The following FZD8 variants were observed in gnomAD, a reference collection of about 807,000 sequenced individuals.
The protein encoded by FZD8 is frizzled class receptor 8.
A neutral mutation model predicts 46.0 loss-of-function variants in FZD8; 18 were observed. That is an observed-to-expected ratio of 0.39 (90% CI 0.27 to 0.58). The LOEUF (loss-of-function observed/expected upper bound fraction) is 0.58, where lower values mean the gene tolerates loss of function less well. Ranked by LOEUF, FZD8 falls within the 20% of genes least tolerant of loss-of-function variation. The probability of loss-of-function intolerance (pLI) is 0.55; values close to 1 mark genes in which losing one functional copy is unlikely to be tolerated. For synonymous variants in FZD8, 586 were observed against 467.9 expected (o/e 1.25, Z -3.26); for missense variants, 785 against 983.4 (o/e 0.80, Z 2.70).
chr10:35,639,480 CCCG>C lies in FZD8; in HGVS notation c.1947_1949del (p.Gly651del), dbSNP rs961698347. The C allele has an allele frequency of 2.7e-4, 268 of 975,012 alleles. No individual in the cohort carries two copies. Among genetic ancestry groups the C allele is most frequent in the Admixed American group, 9.5e-4 (15 of 15,836 alleles). The allele number at this position is 975,012 out of a possible 1,614,324, so 60.4% of individuals were successfully genotyped here. On this transcript the variant is annotated inframe_deletion, in exon 1 of 1. Coordinates refer to ENST00000374694, the MANE Select transcript of FZD8 (RefSeq NM_031866.3). The stretch of plus-strand genomic sequence containing the variant: ...CCGGCCCCCCGCCGCCGCCGGGTCC[CCCG>C]CCGCCGCCGCCCCCCGGCCCGCCGC...
At position 35,640,384 on chromosome 10, in the gene FZD8, C is replaced by G. The variant is rs1180505502; in HGVS notation, c.1046G>C (p.Gly349Ala). ...ACSGGAPGAG[G>A]AGGAGGAAAG... Reference sequence around the variant, plus strand: ...CGCCGCGCCGCCCGCGCCCCCAGCGCCCCCCGCGCCCGGCGCGCCACCGCT... The same window carrying G: ...CGCCGCGCCGCCCGCGCCCCCAGCGGCCCCCGCGCCCGGCGCGCCACCGCT... Residue 349 changes from glycine (G) to alanine (A), a missense_variant, in exon 1 of 1, where the codon GGC becomes GCC. Gly to Ala is a moderately conservative substitution (Grantham distance 60). Around this residue, in one of 5 missense-constraint regions of FZD8, gnomAD observed 88 missense variants for 83.6 expected, o/e 1.05. Coordinates refer to ENST00000374694, the MANE Select transcript of FZD8 (RefSeq NM_031866.3). The G allele has an allele frequency of 9.2e-7, 1 of 1,092,726 alleles. No homozygotes were observed. Among genetic ancestry groups the G allele is most frequent in the East Asian group, 5.4e-5 (1 of 18,578 alleles). The allele number at this position is 1,092,726 out of a possible 1,614,324, so 67.7% of individuals were successfully genotyped here.
Position 35,641,226 on chromosome 10 carries a change from C to T in FZD8, c.204G>A (p.Glu68=), listed in dbSNP as rs780968212. ...CCACCAGCGGCCAGAACTGGTGCAC[C>T]TCCAGGCCCGCCTCGTCTTGCGTGT... ...NHDTQDEAGL[E]VHQFWPLVEI... is the part of the protein sequence containing the mutation. Residue 68 remains glutamate (E), a synonymous_variant, in exon 1 of 1, where the codon GAG becomes GAA. Transcript: ENST00000374694. The surrounding 1 kb of genome is among the most constrained non-coding windows in gnomAD (Gnocchi z 6.3). The T allele has an allele frequency of 3.1e-6, 5 of 1,614,094 alleles. 1 individual carries two copies. The South Asian group carries it at 5.5e-5, about 18-fold the overall frequency.
chr10:35,641,565 G>A lies in FZD8; in HGVS notation c.-136C>T, dbSNP rs535775579. 863 of 1,193,956 alleles carry A rather than the reference G, an allele frequency of 7.2e-4. 8 individuals carry two copies. The African/African-American group carries it at 0.01, about 14-fold the overall frequency. The allele number at this position is 1,193,956 out of a possible 1,614,324, so 74.0% of individuals were successfully genotyped here. On this transcript the variant is annotated 5_prime_UTR_variant, in exon 1 of 1. Transcript: ENST00000374694. The surrounding 1 kb of genome is among the most constrained non-coding windows in gnomAD (Gnocchi z 6.3). Reference sequence around the variant, plus strand: ...CCCTTATGCTTCGCCCGGGAGGGGGGTCTGCCGATAATCTAACCCCTTCTA... The same window carrying A: ...CCCTTATGCTTCGCCCGGGAGGGGGATCTGCCGATAATCTAACCCCTTCTA...
rs1835849486 is a variant in FZD8 at position 35,640,892 on chromosome 10, T to C, written c.538A>G (p.Ser180Gly). ...PPPGEQPPSGSGHGRPPGARP... is the reference protein window; with the variant it reads ...PPPGEQPPSGGGHGRPPGARP... ...GCCCCCGGCGGGCGGCCGTGGCCGC[T>C]GCCCGAAGGCGGCTGCTCGCCGGGC... Residue 180 changes from serine (S) to glycine (G), a missense_variant, in exon 1 of 1, where the codon AGC (serine) becomes GGC (glycine). By Grantham distance (56) the Ser-to-Gly change is moderately conservative (BLOSUM62 0). This residue lies in a region of FZD8 where 354 missense variants were observed against 433.2 expected (regional missense o/e 0.82). Transcript: ENST00000374694. The C allele has an allele frequency of 1.9e-6, 2 of 1,052,048 alleles. No individual in the cohort carries two copies. The highest frequency in any genetic ancestry group is 3.5e-5 in the African/African-American group (2 of 57,970). The allele number at this position is 1,052,048 out of a possible 1,614,324, so 65.2% of individuals were successfully genotyped here. A position where few individuals can be genotyped will look rare whatever the true frequency, so the allele number is the denominator to read the frequency against.
Position 35,639,947 on chromosome 10 carries a change from T to C in FZD8, c.1483A>G (p.Ile495Val). The C allele has an allele frequency of 4.3e-6, 7 of 1,612,616 alleles. No homozygotes were observed. Among genetic ancestry groups the C allele is most frequent in the South Asian group, 1.1e-5 (1 of 91,030 alleles). Reference sequence around the variant, plus strand: ...CCGGCCAGCAGGAACATGGTGCCGATGAAGAGGTAGATGACCAGCGGCGCC... The same window carrying C: ...CCGGCCAGCAGGAACATGGTGCCGACGAAGAGGTAGATGACCAGCGGCGCC... ...VLAPLVIYLF[I>V]GTMFLLAGFV... is the part of the protein sequence containing the mutation. Residue 495 changes from isoleucine to valine, a missense_variant, in exon 1 of 1, where the codon ATC becomes GTC. Around this residue, in one of 5 missense-constraint regions of FZD8, gnomAD observed 147 missense variants for 242.5 expected, o/e 0.61. Coordinates refer to ENST00000374694, the MANE Select transcript of FZD8 (RefSeq NM_031866.3).
rs757734212 is a variant in FZD8 at position 35,641,083 on chromosome 10, G to A, written c.347C>T (p.Ala116Val). The part of the protein sequence containing the change: ...PCRSVCERAK[A>V]GCAPLMRQYG... ...CTGGCGCATGAGCGGCGCGCAGCCGGCCTTGGCGCGCTCGCACACCGAGCG... is the reference window on the plus strand; with the variant it reads ...CTGGCGCATGAGCGGCGCGCAGCCGACCTTGGCGCGCTCGCACACCGAGCG... Residue 116 changes from alanine to valine, a missense_variant, in exon 1 of 1, where the codon GCC becomes GTC. Physicochemically the swap from Ala to Val is moderately conservative, Grantham distance 64 (BLOSUM62 0). Coordinates refer to ENST00000374694, the MANE Select transcript of FZD8 (RefSeq NM_031866.3). The surrounding 1 kb of genome is among the most constrained non-coding windows in gnomAD (Gnocchi z 6.3). 1 of 1,611,062 alleles carries A rather than the reference G, an allele frequency of 6.2e-7. No individual in the cohort carries two copies. Among genetic ancestry groups the A allele is most frequent in the South Asian group, 1.1e-5 (1 of 91,004 alleles).
rs761388215 is a variant in FZD8 at position 35,639,442 on chromosome 10, C to T, written c.1988G>A (p.Gly663Asp). Reference protein sequence around the residue: ...GGGGGPGGGGGSLYSDVSTGL... With the variant: ...GGGGGPGGGGDSLYSDVSTGL... ...AGTGCTGACGTCGCTGTAGAGGGAG[C>T]CCCCGCCGCCGCCCGGCCCCCCGCC... Residue 663 changes from glycine (G) to aspartate (D), a missense_variant, in exon 1 of 1, where the codon GGC (glycine) becomes GAC (aspartate). By Grantham distance (94) the Gly-to-Asp change is moderately conservative (BLOSUM62 -1). Transcript: ENST00000374694. The T allele has an allele frequency of 1.2e-5, 14 of 1,182,860 alleles. No homozygotes were observed. The African/African-American group carries it at 1.6e-4, about 14-fold the overall frequency. The allele number at this position is 1,182,860 out of a possible 1,614,324, so 73.3% of individuals were successfully genotyped here. A position where few individuals can be genotyped will look rare whatever the true frequency, so the allele number is the denominator to read the frequency against.
In FZD8 at chr10:35,640,968, G is replaced by T. The variant is rs1835851303; in HGVS notation, c.462C>A (p.Thr154=). 6.3e-7 allele frequency: 1 copy of T among 1,583,248 alleles called. No homozygotes were observed. Among genetic ancestry groups the T allele is most frequent in the East Asian group, 2.3e-5 (1 of 43,008 alleles). Residue 154 remains threonine, a synonymous_variant, in exon 1 of 1, where the codon ACC becomes ACA. Coordinates refer to ENST00000374694, the MANE Select transcript of FZD8 (RefSeq NM_031866.3). ...PDTLCMDYNR[T]DLTTAAPSPP... is the part of the protein sequence containing the mutation. ...GGCTGGGCGCGGCGGTGGTTAGGTC[G>T]GTGCGGTTGTAGTCCATGCACAGCG...
Position 35,639,403 on chromosome 10 carries a change from C to T in FZD8, c.2027G>A (p.Arg676Gln), listed in dbSNP as rs1835813047. Residue 676 changes from arginine (R) to glutamine (Q), a missense_variant, in exon 1 of 1, where the codon CGG becomes CAG. Around this residue, in one of 5 missense-constraint regions of FZD8, gnomAD observed 185 missense variants for 180.8 expected, o/e 1.02. Transcript: ENST00000374694. ...AGACACGGAGCTCGCCGTGCCCGAC[C>T]GCCACGTCAGGCCAGTGCTGACGTC... ...YSDVSTGLTWRSGTASSVSYP... is the reference protein window; with the variant it reads ...YSDVSTGLTWQSGTASSVSYP... 6.8e-7 allele frequency: 1 copy of T among 1,467,834 alleles called. No homozygotes were observed. Among genetic ancestry groups the T allele is most frequent in the Admixed American group, 2.0e-5 (1 of 48,994 alleles). 90.9% of individuals were successfully genotyped at this position (1,467,834 alleles called of 1,614,324 possible). A position where few individuals can be genotyped will look rare whatever the true frequency, so the allele number is the denominator to read the frequency against.
At position 35,641,760 on chromosome 10, in the gene FZD8, G is replaced by C. The variant is rs1229990044; in HGVS notation, c.-331C>G. On this transcript the variant is annotated 5_prime_UTR_variant, in exon 1 of 1. Coordinates refer to ENST00000374694, the MANE Select transcript of FZD8 (RefSeq NM_031866.3). The surrounding 1 kb of genome is among the most constrained non-coding windows in gnomAD (Gnocchi z 6.3). Reference sequence around the variant, plus strand: ...TCGCGGCGCAGAGCGGCCGGGCCTCGGCTCATCGTCCCGCGCTCGCTCGCC... The same window carrying C: ...TCGCGGCGCAGAGCGGCCGGGCCTCCGCTCATCGTCCCGCGCTCGCTCGCC... The C allele has an allele frequency of 2.4e-5, 5 of 212,370 alleles. No individual in the cohort carries two copies. Among genetic ancestry groups the C allele is most frequent in the Non-Finnish European group, 4.6e-5 (5 of 108,664 alleles). 13.2% of individuals were successfully genotyped at this position (212,370 alleles called of 1,614,324 possible).
Position 35,641,493 on chromosome 10 carries a change from G to GT in FZD8, c.-65_-64insA, listed in dbSNP as rs572546710. The GT allele has an allele frequency of 1.9e-5, 28 of 1,507,492 alleles. No individual in the cohort carries two copies. The highest frequency in any genetic ancestry group is 2.4e-5 in the Non-Finnish European group (27 of 1,134,714). 93.4% of individuals were successfully genotyped at this position (1,507,492 alleles called of 1,614,324 possible). On this transcript the variant is annotated 5_prime_UTR_variant, in exon 1 of 1. Coordinates refer to ENST00000374694, the MANE Select transcript of FZD8 (RefSeq NM_031866.3). The surrounding 1 kb of genome is among the most constrained non-coding windows in gnomAD (Gnocchi z 6.3). ...GCGCGCAGAGGGGTGCCGGGGGGGG[G>GT]GCCCACGAGAGAGCCGCAGACGGGT... is the stretch of plus-strand genomic sequence containing the variant.
In FZD8 at chr10:35,641,446, C is replaced by A. The variant is rs780028961; in HGVS notation, c.-17G>T. The A allele has an allele frequency of 7.0e-6, 11 of 1,574,590 alleles. No homozygotes were observed. In the South Asian group the frequency reaches 8.0e-5, roughly 11 times the overall value. On this transcript the variant is annotated 5_prime_UTR_variant, in exon 1 of 1. Transcript: ENST00000374694. The surrounding 1 kb of genome is among the most constrained non-coding windows in gnomAD (Gnocchi z 6.3). ...CCACTCCATGCTGTGCGCCTCGGCCCGGTGCCCTCGCCCTCCAGGCGGCGC... is the reference window on the plus strand; with the variant it reads ...CCACTCCATGCTGTGCGCCTCGGCCAGGTGCCCTCGCCCTCCAGGCGGCGC...
rs759316417 is a variant in FZD8 at position 35,641,148 on chromosome 10, G to A, written c.282C>T (p.Pro94=). 6 of 1,613,508 alleles carry A rather than the reference G, an allele frequency of 3.7e-6. No homozygotes were observed. In the South Asian group the frequency reaches 4.4e-5, roughly 12 times the overall value. ...LKFFLCSMYT[P]ICLEDYKKPL... ...GCTTCTTGTAGTCCTCTAGGCAGAT[G>A]GGCGTGTACATGCTGCACAGGAAGA... The change falls in exon 1 of 1, where the codon CCC becomes CCT. Residue 94 remains proline (P), a synonymous_variant. Transcript: ENST00000374694. This position sits in a 1 kb window ranked among gnomAD's most constrained non-coding sequence, Gnocchi z 6.3.
Position 35,642,194 on chromosome 10 carries a change from G to A in FZD8, c.-765C>T, listed in dbSNP as rs1278007219. 6.6e-6 allele frequency: 1 copy of A among 152,364 alleles called. No individual in the cohort carries two copies. The highest frequency in any genetic ancestry group is 1.9e-4 in the East Asian group (1 of 5,152). 9.4% of individuals were successfully genotyped at this position (152,364 alleles called of 1,614,324 possible). The stretch of plus-strand genomic sequence containing the variant: ...ACCCAGGAGCAAATCCAGACCGGAA[G>A]GCGGAGCGGACACCTGAGTGGCGCG... On this transcript the variant is annotated 5_prime_UTR_variant, in exon 1 of 1. Transcript: ENST00000374694.
At position 35,638,353 on chromosome 10, in the gene FZD8, G is replaced by T. The variant is rs550000133; in HGVS notation, c.*992C>A. 6.7e-6 allele frequency: 1 copy of T among 149,520 alleles called. No individual in the cohort carries two copies. The highest frequency in any genetic ancestry group is 1.9e-4 in the East Asian group (1 of 5,324). The allele number at this position is 149,520 out of a possible 1,614,324, so 9.3% of individuals were successfully genotyped here. ...ATTTACATCCACTAAAGTGAGAGTT[G>T]TTATCCATGGATCAGAAAAGAGCTC... On this transcript the variant is annotated 3_prime_UTR_variant, in exon 1 of 1. Transcript: ENST00000374694.
In FZD8 at chr10:35,640,533, G is replaced by A. The variant is rs984104214; in HGVS notation, c.897C>T (p.Phe299=). ...ACTTGAAGCGCTCCATGTCGATAAGGAAGGTGGAGACGGTGGCGAAGGTGG... is the reference window on the plus strand; with the variant it reads ...ACTTGAAGCGCTCCATGTCGATAAGAAAGGTGGAGACGGTGGCGAAGGTGG... ...FVSTFATVST[F]LIDMERFKYP... is the part of the protein sequence containing the mutation. The change falls in exon 1 of 1, where the codon TTC becomes TTT. Residue 299 remains phenylalanine (F), a synonymous_variant. Coordinates refer to ENST00000374694, the MANE Select transcript of FZD8 (RefSeq NM_031866.3). 39 of 1,589,620 alleles carry A rather than the reference G, an allele frequency of 2.5e-5. No homozygotes were observed. The African/African-American group carries it at 2.6e-4, about 10-fold the overall frequency.
Position 35,640,851 on chromosome 10 carries a change from G to C in FZD8, c.579C>G (p.Arg193=). Residue 193 remains arginine, a synonymous_variant, in exon 1 of 1, where the codon CGC becomes CGG. Coordinates refer to ENST00000374694, the MANE Select transcript of FZD8 (RefSeq NM_031866.3). ...CGCCGCCACCGCCCCTGCCGCCGCC[G>C]CGGTGCGGGGGCCTGGCCCCCGGCG... is the stretch of plus-strand genomic sequence containing the variant. The part of the protein sequence containing the change: ...GRPPGARPPH[R]GGGRGGGGGD... The C allele has an allele frequency of 1.0e-6, 1 of 977,330 alleles. No homozygotes were observed. Among genetic ancestry groups the C allele is most frequent in the Non-Finnish European group, 1.2e-6 (1 of 826,610 alleles). The allele number at this position is 977,330 out of a possible 1,614,324, so 60.5% of individuals were successfully genotyped here. A position where few individuals can be genotyped will look rare whatever the true frequency, so the allele number is the denominator to read the frequency against.
chr10:35,640,532 G>GGAAGGTGGAGACGGTGGC lies in FZD8; in HGVS notation c.880_897dup (p.Ala294_Phe299dup). On this transcript the variant is annotated inframe_insertion, in exon 1 of 1. Transcript: ENST00000374694. ...TACTTGAAGCGCTCCATGTCGATAA[G>GGAAGGTGGAGACGGTGGC]GAAGGTGGAGACGGTGGCGAAGGTG... The GGAAGGTGGAGACGGTGGC allele has an allele frequency of 6.3e-7, 1 of 1,589,566 alleles. No homozygotes were observed. Among genetic ancestry groups the GGAAGGTGGAGACGGTGGC allele is most frequent in the Admixed American group, 1.7e-5 (1 of 58,076 alleles).
At position 35,640,896 on chromosome 10, in the gene FZD8, C is replaced by G. The variant is rs1255499545; in HGVS notation, c.534G>C (p.Ser178=). ...CCGGCGGGCGGCCGTGGCCGCTGCC[C>G]GAAGGCGGCTGCTCGCCGGGCGGCG... ...PPPPPGEQPP[S]GSGHGRPPGA... Residue 178 remains serine (S), a synonymous_variant, in exon 1 of 1, where the codon TCG becomes TCC. Coordinates refer to ENST00000374694, the MANE Select transcript of FZD8 (RefSeq NM_031866.3). The G allele has an allele frequency of 3.7e-5, 41 of 1,096,954 alleles. No homozygotes were observed. Among genetic ancestry groups the G allele is most frequent in the Non-Finnish European group, 4.4e-5 (40 of 906,252 alleles). The allele number at this position is 1,096,954 out of a possible 1,614,324, so 68.0% of individuals were successfully genotyped here. A position where few individuals can be genotyped will look rare whatever the true frequency, so the allele number is the denominator to read the frequency against.
Sources: allele counts gnomAD v4.1 joint callset, GRCh38; gene constraint gnomAD v4.1.1; regional missense constraint gnomAD v4.1.1; non-coding constraint Gnocchi (gnomAD v3.1); transcripts MANE v1.5; gene names NCBI Gene and HGNC (gene_info 2026-07-23, HGNC 2026-07-21).